The following CLASRP variants were observed in gnomAD, a reference collection of about 807,000 sequenced individuals.
CLASRP encodes CLK4 associating serine/arginine rich protein, also known as CLK4-associating serine/arginine rich protein.
CLASRP carries 52 observed loss-of-function variants against 99.9 expected under a neutral mutation model. The observed-to-expected ratio is 0.52, with a 90% CI of 0.42 to 0.66. CLASRP has a LOEUF of 0.66. Ranked by LOEUF, CLASRP falls within the 30% of genes least tolerant of loss-of-function variation. The probability of loss-of-function intolerance (pLI) is 0.00; values close to 1 mark genes in which losing one functional copy is unlikely to be tolerated. For synonymous variants in CLASRP, 379 were observed against 373.0 expected, an observed-to-expected ratio of 1.02 and a Z score of -0.18; for missense variants, 848 against 999.2, an observed-to-expected ratio of 0.85 and a Z score of 2.04.
intron 11 of CLASRP, 65 bp downstream of exon 11, chr19:45,062,260 G>C (rs1966957307): frequency 1.3e-5 from 12 of 938,202 alleles, no homozygotes; most frequent in Non-Finnish European, 2.1e-5. Context: ...CAGGGGTGCT[G>C]AGGAGGGGAT....
chr19:45,041,989 A>G (rs896241663), intron 2 of CLASRP, among the ~76,000 whole-genome samples: 1 of 152,202 alleles, frequency 6.6e-6, no homozygotes, highest in African/African-American at 2.4e-5. Context: ...GGTGTCCTCT[A>G]AAAATGCCAT....
chr19:45,044,614 A>G, intron 2 of CLASRP, among the ~76,000 whole-genome samples: 1 of 152,164 alleles, frequency 6.6e-6, no homozygotes, highest in East Asian at 1.9e-4. Context: ...AAATAATAAA[A>G]AAAAATTAGC....
At chr19:45,053,574 G>T (rs1057386981) in intron 5 of CLASRP, among the ~76,000 whole-genome samples, 1 of 152,122 alleles carries the variant, frequency 6.6e-6, no homozygotes, top group Non-Finnish European at 1.5e-5. Flanking sequence ...TGCCTCCTGG[G>T]TTCAAGTGAT....
In CLASRP at chr19:45,070,837, C is replaced by T. The variant is rs757637762; in HGVS notation, c.2017C>T (p.Arg673Ter). The T allele has an allele frequency of 1.3e-5, 21 of 1,604,014 alleles. No individual in the cohort carries two copies. The highest frequency in any genetic ancestry group is 4.0e-5 in the African/African-American group (3 of 74,522). Residue 673 changes from arginine (R) to a stop codon, truncating the protein, a stop_gained, in exon 21 of 21, where the codon CGA (arginine) becomes TGA (stop). Coordinates refer to ENST00000221455, the MANE Select transcript of CLASRP (RefSeq NM_007056.3). LOFTEE classifies it high-confidence loss of function. The part of the protein sequence containing the change: ...SRSRSRSPHY[R>*]H Reference sequence around the variant, plus strand: ...GTCCCGATCCCGAAGCCCCCATTACCGACATTAGGCAGAAGAGTGGGGGGT... The same window carrying T: ...GTCCCGATCCCGAAGCCCCCATTACTGACATTAGGCAGAAGAGTGGGGGGT...
At position 45,049,882 on chromosome 19, in the gene CLASRP, G is replaced by A. The variant is rs144645597; in HGVS notation, c.100-2189G>A. ...TTAGGTCCAGTGGCAGGTGGTAGCG[G>A]GTGCTCAAAAGAAAACAAGTGGAGT... On this transcript the variant is annotated intron_variant, in intron 2 of 20. Coordinates refer to ENST00000221455, the MANE Select transcript of CLASRP (RefSeq NM_007056.3). Among the ~76,000 whole-genome samples, 1,219 of 152,186 alleles carry A rather than the reference G, an allele frequency of 8.0e-3. 16 individuals carry two copies. Among genetic ancestry groups the A allele is most frequent in the African/African-American group, 0.027 (1,135 of 41,506 alleles).
chr19:45,040,149 G>T, intron 1 of CLASRP, 35 bp from the exon 2 acceptor site: 3 of 1,253,734 alleles, frequency 2.4e-6, no homozygotes, highest in South Asian at 2.6e-5. Context: ...GGGTTTCACA[G>T]ACCATCTGAC....
Position 45,067,187 on chromosome 19 carries a change from A to G in CLASRP, c.1410-150A>G. 2.1e-6 allele frequency: 2 copies of G among 947,046 alleles called. No individual in the cohort carries two copies. The highest frequency in any genetic ancestry group is 3.0e-6 in the Non-Finnish European group (2 of 659,362). 58.7% of individuals were successfully genotyped at this position (947,046 alleles called of 1,614,324 possible). ...AGGGAGGCCGGAATGCCGCTCTGGG[A>G]CATTTTGGAGGGAGAGTAGCAGGAG... On this transcript the variant is annotated intron_variant, in intron 13 of 20. Transcript: ENST00000221455. The surrounding 1 kb of genome is among the most constrained non-coding windows in gnomAD (Gnocchi z 4.9).
chr19:45,041,018 C>G (rs759937471), intron 2 of CLASRP, among the ~76,000 whole-genome samples: 3 of 151,802 alleles, frequency 2.0e-5, no homozygotes, highest in African/African-American at 7.3e-5. Context: ...GTCAAGAGAT[C>G]GAGACCGTCC....
In CLASRP at chr19:45,053,046, G is replaced by T. The variant is rs372668646; in HGVS notation, c.300-52G>T. 7.2e-4 allele frequency: 1,147 copies of T among 1,602,612 alleles called. 7 individuals carry two copies. The African/African-American group carries it at 0.013, about 18-fold the overall frequency. On this transcript the variant is annotated intron_variant, in intron 4 of 20. Coordinates refer to ENST00000221455, the MANE Select transcript of CLASRP (RefSeq NM_007056.3). ...CCTCATTTCCCTTCCTGCTGGCTTG[G>T]GGGGGGATCCACTCCTTCTCTCTGA... is the stretch of plus-strand genomic sequence containing the variant.
At chr19:45,069,043 C>T in intron 16 of CLASRP, 23 bp from the exon 17 acceptor site, 1 of 1,611,940 alleles carries the variant, frequency 6.2e-7, no homozygotes, top group Middle Eastern at 1.7e-4. Context: ...ACCCCTCAGC[C>T]ACCCTGTTCT....
intron 2 of CLASRP, among the ~76,000 whole-genome samples, chr19:45,045,482 A>C (rs1568411368): frequency 6.6e-6 from 1 of 151,958 alleles, no homozygotes; most frequent in African/African-American, 2.4e-5. Flanking sequence ...GTACCACTGC[A>C]CTCCAGCCTG....
In CLASRP at chr19:45,064,455, G is replaced by A. The variant is rs1189209673; in HGVS notation, c.1234G>A (p.Gly412Ser). The change falls in exon 13 of 21, where the codon GGC (glycine) becomes AGC (serine). Residue 412 changes from glycine to serine, a missense_variant. Gly to Ser is a moderately conservative substitution (Grantham distance 56). Around this residue, in one of 8 missense-constraint regions of CLASRP, gnomAD observed 489 missense variants for 434.7 expected, o/e 1.12. Transcript: ENST00000221455. ...SRRGGGYYRS[G>S]RHARSRSRSW... ...CCGTGGTGGGGGCTACTACCGTTCCGGCCGCCACGCCCGCTCCCGGTCCCG... is the reference window on the plus strand; with the variant it reads ...CCGTGGTGGGGGCTACTACCGTTCCAGCCGCCACGCCCGCTCCCGGTCCCG... The A allele has an allele frequency of 2.6e-6, 4 of 1,527,188 alleles. No homozygotes were observed. Among genetic ancestry groups the A allele is most frequent in the Non-Finnish European group, 3.5e-6 (4 of 1,138,954 alleles). 94.6% of individuals were successfully genotyped at this position (1,527,188 alleles called of 1,614,324 possible). A position where few individuals can be genotyped will look rare whatever the true frequency, so the allele number is the denominator to read the frequency against.
chr19:45,048,033 C>T (rs1398921628), intron 2 of CLASRP, among the ~76,000 whole-genome samples: 6 of 151,698 alleles, frequency 4.0e-5, no homozygotes, highest in Admixed American at 3.9e-4. Flanking sequence ...CGAGATCATG[C>T]CATTGCACTC....
At chr19:45,051,690 C>T (rs764554029) in intron 2 of CLASRP, among the ~76,000 whole-genome samples, 2 of 150,928 alleles carry the variant, frequency 1.3e-5, no homozygotes, top group Admixed American at 6.6e-5. Flanking sequence ...TGCTGCAGGC[C>T]GGGCGCGGTG....
At chr19:45,047,136 G>A (rs1437732327) in intron 2 of CLASRP, among the ~76,000 whole-genome samples, 1 of 152,018 alleles carries the variant, frequency 6.6e-6, no homozygotes, top group African/African-American at 2.4e-5. Context: ...TGTCCATTGA[G>A]GGATACATCG....
At position 45,062,162 on chromosome 19, in the gene CLASRP, G is replaced by A. The variant is rs1337830823; in HGVS notation, c.872G>A (p.Arg291His). Residue 291 changes from arginine (R) to histidine (H), a missense_variant, in exon 11 of 21, where the codon CGC becomes CAC. By Grantham distance (29) the Arg-to-His change is conservative (BLOSUM62 0). Transcript: ENST00000221455. ...CATTCTTTTCTCTGTAGCTATGCCC[G>A]CCGAGACAGCCCCACCTATGACCCC... is the stretch of plus-strand genomic sequence containing the variant. The part of the protein sequence containing the change: ...GRKISPPSYA[R>H]RDSPTYDPYK... 7.1e-6 allele frequency: 11 copies of A among 1,544,100 alleles called. No individual in the cohort carries two copies. The highest frequency in any genetic ancestry group is 2.7e-5 in the African/African-American group (2 of 73,402).
At chr19:45,070,754 TTGA>T in intron 20 of CLASRP, 46 bp from the exon 21 acceptor site, 1 of 1,523,414 alleles carries the variant, frequency 6.6e-7, no homozygotes, top group African/African-American at 1.4e-5. Context: ...CCCAGGTGTG[TTGA>T]TGTGTGTATG....
chr19:45,068,945 A>G (rs1967164680), intron 16 of CLASRP, 121 bp from the exon 17 acceptor site: 6 of 899,442 alleles, frequency 6.7e-6, no homozygotes, highest in South Asian at 3.0e-5. Context: ...AGCCAAGATC[A>G]CGCCACTGCA....
chr19:45,070,539 C>G lies in CLASRP; in HGVS notation c.1960C>G (p.Arg654Gly). 2 of 1,613,850 alleles carry G rather than the reference C, an allele frequency of 1.2e-6. No individual in the cohort carries two copies. Among genetic ancestry groups the G allele is most frequent in the Non-Finnish European group, 1.7e-6 (2 of 1,179,778 alleles). The change falls in exon 20 of 21, where the codon CGA becomes GGA. Residue 654 changes from arginine to glycine, a missense_variant and splice_region_variant. Coordinates refer to ENST00000221455, the MANE Select transcript of CLASRP (RefSeq NM_007056.3). Reference protein sequence around the residue: ...QSRSPSPRYSREYSSSRRRSR... With the variant: ...QSRSPSPRYSGEYSSSRRRSR... ...TTCACCTGTTGTTTTCTTTCCAGGT[C>G]GAGAATACAGCTCTTCTCGAAGGTA...
Sources: allele counts gnomAD v4.1 joint callset (sites outside exome capture counted in the v4.1 genomes callset), GRCh38; gene constraint gnomAD v4.1.1; regional missense constraint gnomAD v4.1.1; non-coding constraint Gnocchi (gnomAD v3.1); transcripts MANE v1.5; gene names NCBI Gene and HGNC (gene_info 2026-07-23, HGNC 2026-07-21).